ODF2L: variants seen among roughly 807,000 people sequenced by gnomAD.
ODF2L encodes the protein protein BCAP.
A neutral mutation model predicts 86.3 loss-of-function variants in ODF2L; 76 were observed. That is an observed-to-expected ratio of 0.88 (90% CI 0.73 to 1.07). The LOEUF is 1.07. Among genes scored for constraint, ODF2L ranks in the 50% least tolerant of loss-of-function variants. The pLI is 0.00. For missense variants in ODF2L, 748 were observed against 717.4 expected, an observed-to-expected ratio of 1.04 and a Z score of -0.49; for synonymous variants, 241 against 231.3, an observed-to-expected ratio of 1.04 and a Z score of -0.38.
intron 13 of ODF2L, 54 bp from the exon 13 acceptor site, chr1:86,356,656 T>C (rs1485819507): frequency 2.0e-6 from 3 of 1,494,506 alleles, no homozygotes; most frequent in Non-Finnish European, 2.7e-6. Flanking sequence ...AGCATTAATA[T>C]TTTTATTATC....
intron 8 of ODF2L, 115 bp from the exon 9 acceptor site, chr1:86,372,655 C>A: frequency 3.7e-6 from 2 of 547,500 alleles, no homozygotes; most frequent in Non-Finnish European, 3.1e-6. Context: ...AAGTATGGAA[C>A]TTCAAATATA....
At chr1:86,362,842 TAG>T (rs1304445948) in intron 11 of ODF2L, among the ~76,000 whole-genome samples, 1 of 152,106 alleles carries the variant, frequency 6.6e-6, no homozygotes, top group East Asian at 1.9e-4. Flanking sequence ...GTATTTTTAG[TAG>T]AGACAGGGTT....
Position 86,359,917 on chromosome 1 carries a change from T to C in ODF2L, c.1254+509A>G, listed in dbSNP as rs1051346140. On this transcript the variant is annotated intron_variant, in intron 12 of 17. Transcript: ENST00000317336. ...TCTTATGAAGTTTTTTCTTGAATAC[T>C]ACATTTCCAAAAAAATAAAGGTTTT... Among the ~76,000 whole-genome samples, 5 of 152,346 alleles carry C rather than the reference T, an allele frequency of 3.3e-5. No individual in the cohort carries two copies. The East Asian group carries it at 9.6e-4, about 29-fold the overall frequency.
rs1660014063 is a variant in ODF2L at position 86,374,193 on chromosome 1, TTAAA to T, written c.811-1657_811-1654del. On this transcript the variant is annotated intron_variant, in intron 8 of 17. Transcript: ENST00000317336. ...TGTATTACGTGCAAGACTTTTTTGT[TTAAA>T]TTTTTTCACAGGAATATTTTGATAT... 2.0e-5 allele frequency among the ~76,000 whole-genome samples: 3 copies of T among 152,242 alleles called. No individual in the cohort carries two copies. The South Asian group carries it at 6.2e-4, about 32-fold the overall frequency.
At chr1:86,381,285 T>C (rs565267688) in intron 7 of ODF2L, among the ~76,000 whole-genome samples, 3 of 152,234 alleles carry the variant, frequency 2.0e-5, no homozygotes, top group East Asian at 3.9e-4. Flanking sequence ...TCTAATATGT[T>C]CAATCATACA....
At chr1:86,370,665 G>A (rs1204804762) in intron 10 of ODF2L, among the ~76,000 whole-genome samples, 1 of 152,092 alleles carries the variant, frequency 6.6e-6, no homozygotes, top group Non-Finnish European at 1.5e-5. Context: ...ATTCTTTCTG[G>A]TTATGAAGCA....
At chr1:86,363,183 T>C (rs1659167477) in intron 11 of ODF2L, among the ~76,000 whole-genome samples, 1 of 152,166 alleles carries the variant, frequency 6.6e-6, no homozygotes, top group Non-Finnish European at 1.5e-5. Flanking sequence ...AATGATGATT[T>C]TCCATTAACT....
rs1558052515 is a variant in ODF2L, at chr1:86,382,369, GA to G, written c.508-12del. 6.2e-7 allele frequency: 1 copy of G among 1,607,492 alleles called. No homozygotes were observed. The highest frequency in any genetic ancestry group is 2.2e-5 in the East Asian group (1 of 44,652). ...TTTCAAAGTATTTGCCTGTAACAAAGAGAAAGAGAAAACCAAAAAAATCCAT... is the reference window on the plus strand; with the variant it reads ...TTTCAAAGTATTTGCCTGTAACAAAGGAAAGAGAAAACCAAAAAAATCCAT... On this transcript the variant is annotated splice_polypyrimidine_tract_variant and intron_variant, in intron 6 of 17. Transcript: ENST00000317336.
At chr1:86,355,069 G>A (rs1354019703) in intron 14 of ODF2L, 5 of 539,328 alleles carry the variant, frequency 9.3e-6, no homozygotes, top group Non-Finnish European at 1.6e-5. Context: ...TGCCTGTATT[G>A]GAAAATAACC....
intron 6 of ODF2L, 148 bp downstream of exon 6, chr1:86,382,783 T>C (rs1660678789): frequency 1.7e-6 from 1 of 589,832 alleles, no homozygotes. Context: ...TTATATTTGA[T>C]AGGTAAAACC....
chr1:86,356,482 C>T lies in ODF2L; in HGVS notation c.1480G>A (p.Ala494Thr). ...TCCCTAATGGTGTGTTCCTGGTCTG[C>T]ACACTTCCCCTTGCAGCACTGCAGA... The change falls in exon 14 of 18, where the codon GCA (alanine) becomes ACA (threonine). Residue 494 changes from alanine to threonine, a missense_variant. Physicochemically the swap from Ala to Thr is moderately conservative, Grantham distance 58 (BLOSUM62 0). Coordinates refer to ENST00000317336, the Ensembl canonical transcript of ODF2L. The T allele has an allele frequency of 1.2e-6, 2 of 1,613,902 alleles. No individual in the cohort carries two copies. Among genetic ancestry groups the T allele is most frequent in the African/African-American group, 1.3e-5 (1 of 75,014 alleles).
chr1:86,358,798 T>C (rs776172950), exon 13 of ODF2L: 4 of 1,381,180 alleles, frequency 2.9e-6, no homozygotes, highest in Non-Finnish European at 4.0e-6. Context: ...TTCTCTACAT[T>C]TTTATTTTTG....
intron 6 of ODF2L, 149 bp from the exon 7 acceptor site, chr1:86,382,507 A>G: frequency 7.5e-7 from 1 of 1,334,488 alleles, no homozygotes; most frequent in Non-Finnish European, 9.9e-7. Flanking sequence ...CGCCCCTATT[A>G]CAAATGTATT....
At chr1:86,355,263 G>GT (rs1658453464) in intron 14 of ODF2L, 2 of 858,774 alleles carry the variant, frequency 2.3e-6, no homozygotes. Flanking sequence ...TAATAATTGA[G>GT]TATCTGTGAA....
At chr1:86,350,310 A>T (rs1244174319) in exon 18 of ODF2L, 1 of 152,088 alleles carries the variant, frequency 6.6e-6, no homozygotes, top group Non-Finnish European at 1.5e-5. Flanking sequence ...GTATCCATGT[A>T]TTCTCATTGT....
At chr1:86,381,297 C>T (rs1156654635) in intron 7 of ODF2L, among the ~76,000 whole-genome samples, 1 of 152,062 alleles carries the variant, frequency 6.6e-6, no homozygotes, top group Non-Finnish European at 1.5e-5. Context: ...AATCATACAT[C>T]AGATGTATTC....
At chr1:86,394,547 T>C (rs939534418) in intron 1 of ODF2L, among the ~76,000 whole-genome samples, 1 of 152,168 alleles carries the variant, frequency 6.6e-6, no homozygotes, top group Non-Finnish European at 1.5e-5. Context: ...AGATGAAAAC[T>C]GTTCTGGACA....
chr1:86,363,290 G>A (rs904231165), intron 11 of ODF2L, among the ~76,000 whole-genome samples: 1 of 152,128 alleles, frequency 6.6e-6, no homozygotes, highest in African/African-American at 2.4e-5. Context: ...TATTGACATG[G>A]AGATGTCAAT....
At chr1:86,356,936 G>A (rs545327468) in intron 13 of ODF2L, among the ~76,000 whole-genome samples, 19 of 152,100 alleles carry the variant, frequency 1.2e-4, no homozygotes, top group Middle Eastern at 3.2e-3. Flanking sequence ...TAATAAAGCC[G>A]TAATTGTCTA....
Sources: allele counts gnomAD v4.1 joint callset (sites outside exome capture counted in the v4.1 genomes callset), GRCh38; gene constraint gnomAD v4.1.1; transcripts MANE v1.5; gene names NCBI Gene and HGNC (gene_info 2026-07-23, HGNC 2026-07-21).